MAGI2: variants seen among roughly 807,000 people sequenced by gnomAD.
MAGI2 encodes the protein membrane-associated guanylate kinase, WW and PDZ domain-containing protein 2.
In MAGI2, 35 loss-of-function variants were observed where a neutral mutation model predicts 133.3. The ratio of observed to expected loss-of-function variants is 0.26; its 90% CI spans 0.20 to 0.35. MAGI2 has a LOEUF of 0.35. Ranked by LOEUF, MAGI2 falls within the 10% of genes least tolerant of loss-of-function variation. The pLI, the probability that MAGI2 is intolerant of heterozygous loss-of-function variation, is 1.00. For missense variants in MAGI2, 1,636 were observed against 1,863.4 expected (o/e 0.88, Z 2.25); for synonymous variants, 729 against 710.6 (o/e 1.03, Z -0.41).
chr7:79,083,311 T>C (rs1816214368), intron 1 of MAGI2, among the ~76,000 whole-genome samples: 1 of 151,490 alleles, frequency 6.6e-6, no homozygotes, highest in Non-Finnish European at 1.5e-5. Context: ...TTATTTTTTT[T>C]TTTTTTTTCA....
chr7:79,335,415 T>C (rs1227688865), intron 1 of MAGI2, among the ~76,000 whole-genome samples: 4 of 151,896 alleles, frequency 2.6e-5, no homozygotes, highest in African/African-American at 9.7e-5. Flanking sequence ...AGGTCAAAAA[T>C]AGAAAGATCC....
intron 1 of MAGI2, among the ~76,000 whole-genome samples, chr7:79,446,778 A>G (rs2129203279): frequency 6.6e-6 from 1 of 152,176 alleles, no homozygotes; most frequent in East Asian, 1.9e-4. Flanking sequence ...GTGAAACCCC[A>G]TATCTACTAA....
At chr7:78,729,374 T>C (rs1239620914) in intron 2 of MAGI2, among the ~76,000 whole-genome samples, 6 of 152,158 alleles carry the variant, frequency 3.9e-5, no homozygotes, top group Admixed American at 3.9e-4. Flanking sequence ...CAGAAGACAT[T>C]CATCTATCTA....
chr7:79,402,693 G>A (rs1845549947), intron 1 of MAGI2, among the ~76,000 whole-genome samples: 2 of 152,118 alleles, frequency 1.3e-5, no homozygotes, highest in African/African-American at 4.8e-5. Context: ...TGGGCGCAGT[G>A]GCTCACACCT....
chr7:78,145,463 T>C (rs1823206075), intron 16 of MAGI2, among the ~76,000 whole-genome samples: 1 of 152,170 alleles, frequency 6.6e-6, no homozygotes, highest in Non-Finnish European at 1.5e-5. Flanking sequence ...CCATTCTGTT[T>C]TTCTGGTCTC....
At chr7:79,222,650 T>C (rs1356641984) in intron 1 of MAGI2, among the ~76,000 whole-genome samples, 2 of 152,050 alleles carry the variant, frequency 1.3e-5, no homozygotes, top group Non-Finnish European at 2.9e-5. Context: ...TGGCCCATTC[T>C]GGTCTTGGTA....
chr7:78,568,412 T>C (rs1373129018), intron 3 of MAGI2: 1 of 152,230 alleles, frequency 6.6e-6, no homozygotes, highest in Admixed American at 6.5e-5. Context: ...CCCAGAACAT[T>C]TGATTTTGCA....
At position 78,981,623 on chromosome 7, in the gene MAGI2, T is replaced by A. The variant is rs73703744; in HGVS notation, c.418+25467A>T. On this transcript the variant is annotated intron_variant, in intron 2 of 21. Coordinates refer to ENST00000354212, the MANE Select transcript of MAGI2 (RefSeq NM_012301.4). ...AATCTTGCCATTTGTTGCATCCGAC[T>A]TTTTCAGAGGTAGATTGTACCCTTG... 3.9e-3 allele frequency among the ~76,000 whole-genome samples: 593 copies of A among 152,020 alleles called. 2 individuals carry two copies. The highest frequency in any genetic ancestry group is 0.014 in the African/African-American group (562 of 41,532).
intron 1 of MAGI2, chr7:79,125,497 T>G: frequency 1.9e-6 from 1 of 513,622 alleles, no homozygotes; most frequent in Non-Finnish European, 3.9e-6. Flanking sequence ...AAGCAGACGC[T>G]ATGGAAGTGG....
At chr7:79,041,480 T>C (rs899175296) in intron 1 of MAGI2, among the ~76,000 whole-genome samples, 1 of 152,122 alleles carries the variant, frequency 6.6e-6, no homozygotes, top group African/African-American at 2.4e-5. Flanking sequence ...AAACATAATA[T>C]GATGATAGTA....
At chr7:78,996,244 TAAG>T (rs139807252) in intron 2 of MAGI2, among the ~76,000 whole-genome samples, 3,747 of 152,234 alleles carry the variant, frequency 0.025, 46 homozygotes, top group African/African-American at 0.035. Flanking sequence ...ATTAAAAAGA[TAAG>T]AAGAGCTGAG....
At chr7:79,227,124 A>T (rs1164079707) in intron 1 of MAGI2, among the ~76,000 whole-genome samples, 1 of 152,190 alleles carries the variant, frequency 6.6e-6, no homozygotes, top group Non-Finnish European at 1.5e-5. Context: ...CTGCTAACAA[A>T]ACCACTGGCA....
intron 2 of MAGI2, among the ~76,000 whole-genome samples, chr7:78,935,549 A>G (rs1800446714): frequency 6.6e-6 from 1 of 152,150 alleles, no homozygotes; most frequent in African/African-American, 2.4e-5. Context: ...GAGAGATCTA[A>G]CTGCAAATAA....
At position 79,184,913 on chromosome 7, in the gene MAGI2, CAAAA is replaced by C. The variant is rs5885119; in HGVS notation, c.302-177711_302-177708del. Among the ~76,000 whole-genome samples the C allele has an allele frequency of 2.7e-5, 4 of 150,676 alleles. 1 individual carries two copies. Among genetic ancestry groups the C allele is most frequent in the South Asian group, 4.2e-4 (2 of 4,788 alleles). The stretch of plus-strand genomic sequence containing the variant: ...CTCCTTTCCTCACACTATAAAAAAA[CAAAA>C]AAACAGGAAAATATGGCAACACAAT... On this transcript the variant is annotated intron_variant, in intron 1 of 21. Coordinates refer to ENST00000354212, the MANE Select transcript of MAGI2 (RefSeq NM_012301.4).
intron 1 of MAGI2, among the ~76,000 whole-genome samples, chr7:79,023,119 A>C (rs981032706): frequency 6.6e-6 from 1 of 152,216 alleles, no homozygotes; most frequent in Non-Finnish European, 1.5e-5. Flanking sequence ...CCAGCAGTAC[A>C]TCAAAAAGTG....
chr7:78,381,007 T>C (rs1200325242), intron 6 of MAGI2, among the ~76,000 whole-genome samples: 1 of 152,112 alleles, frequency 6.6e-6, no homozygotes, highest in Non-Finnish European at 1.5e-5. Flanking sequence ...TTAGAAAGAT[T>C]TTTGGTCAAT....
At chr7:78,690,249 G>C (rs1198133659) in intron 2 of MAGI2, among the ~76,000 whole-genome samples, 2 of 152,132 alleles carry the variant, frequency 1.3e-5, no homozygotes, top group African/African-American at 2.4e-5. Context: ...CTTAGCGAAT[G>C]TGCTAACCAC....
chr7:78,998,585 T>C (rs1018144473), intron 2 of MAGI2, among the ~76,000 whole-genome samples: 1 of 152,194 alleles, frequency 6.6e-6, no homozygotes, highest in Non-Finnish European at 1.5e-5. Context: ...TACCATACTC[T>C]AGCAATGCTA....
At chr7:78,690,116 T>G (rs1816802065) in intron 2 of MAGI2, among the ~76,000 whole-genome samples, 1 of 152,232 alleles carries the variant, frequency 6.6e-6, no homozygotes, top group Non-Finnish European at 1.5e-5. Flanking sequence ...AAATCCCAAA[T>G]ATTTAAAGAA....
Sources: gnomAD v4.1 joint callset for allele counts (sites outside exome capture counted in the v4.1 genomes callset) on GRCh38, gnomAD v4.1.1 for gene constraint, MANE v1.5 for transcripts, NCBI Gene and HGNC (gene_info 2026-07-23, HGNC 2026-07-21) for gene names.